SLC8A3: variants seen among roughly 807,000 people sequenced by gnomAD.
SLC8A3 encodes the protein sodium/calcium exchanger 3.
In SLC8A3, 37 loss-of-function variants were observed where a neutral mutation model predicts 65.4. The observed-to-expected ratio is 0.57, with a 90% CI of 0.44 to 0.74. SLC8A3 has a LOEUF of 0.74. SLC8A3 is among the 30% of genes least tolerant of loss of function. SLC8A3 has a pLI of 0.00. For synonymous variants in SLC8A3, 461 were observed against 444.5 expected, an observed-to-expected ratio of 1.04 and a Z score of -0.47; for missense variants, 1,112 against 1,172.1, an observed-to-expected ratio of 0.95 and a Z score of 0.75.
chr14:70,073,495 C>T (rs1202786233), intron 2 of SLC8A3, among the ~76,000 whole-genome samples: 1 of 152,088 alleles, frequency 6.6e-6, no homozygotes, highest in Non-Finnish European at 1.5e-5. Flanking sequence ...TATATATATG[C>T]ATGCCAGTAG....
intron 2 of SLC8A3, among the ~76,000 whole-genome samples, chr14:70,075,417 A>C (rs1048709534): frequency 1.8e-4 from 27 of 152,170 alleles, no homozygotes; most frequent in African/African-American, 6.0e-4. Flanking sequence ...ATAGGGAGGA[A>C]ATGGGAGGAG....
At chr14:70,164,104 C>T (rs927685886) in intron 2 of SLC8A3, among the ~76,000 whole-genome samples, 1 of 152,090 alleles carries the variant, frequency 6.6e-6, no homozygotes, top group East Asian at 1.9e-4. Flanking sequence ...TACCGTGTAC[C>T]AGGTACACCG....
chr14:70,101,852 A>G (rs946657471), intron 2 of SLC8A3, among the ~76,000 whole-genome samples: 1 of 152,192 alleles, frequency 6.6e-6, no homozygotes, highest in African/African-American at 2.4e-5. Flanking sequence ...GTGGAGCAGG[A>G]AGATGGAGCC....
At position 70,174,038 on chromosome 14, in the gene SLC8A3, G is replaced by A. The variant is rs146842601; in HGVS notation, c.-62-5554C>T. On this transcript the variant is annotated intron_variant, in intron 1 of 6. Transcript: ENST00000356921. ...ACACTTGTTTTAGAGATGGCAAATT[G>A]GAACTCATAGAGGTTAGGGAATTTG... 4.2e-3 allele frequency among the ~76,000 whole-genome samples: 633 copies of A among 152,314 alleles called. 4 individuals carry two copies. The highest frequency in any genetic ancestry group is 0.015 in the African/African-American group (609 of 41,568).
intron 2 of SLC8A3, among the ~76,000 whole-genome samples, chr14:70,078,485 T>C (rs1890738360): frequency 6.6e-6 from 1 of 152,218 alleles, no homozygotes; most frequent in Non-Finnish European, 1.5e-5. Flanking sequence ...TCCCCCATAT[T>C]TGCTGACTTG....
intron 2 of SLC8A3, among the ~76,000 whole-genome samples, chr14:70,109,731 C>T (rs1187856784): frequency 6.6e-6 from 1 of 152,096 alleles, no homozygotes; most frequent in Non-Finnish European, 1.5e-5. Context: ...GCTGAGATTA[C>T]AGGTTTCAGC....
chr14:70,052,747 G>A (rs1049578110), intron 3 of SLC8A3, among the ~76,000 whole-genome samples: 1 of 152,164 alleles, frequency 6.6e-6, no homozygotes, highest in Non-Finnish European at 1.5e-5. Context: ...TTGGCAGCTT[G>A]TTTCTTTCAG....
intron 2 of SLC8A3, among the ~76,000 whole-genome samples, chr14:70,105,729 T>G (rs1892825924): frequency 6.6e-6 from 1 of 152,180 alleles, no homozygotes; most frequent in Admixed American, 6.5e-5. Flanking sequence ...ACTTCTTGAC[T>G]TACTTTGTGA....
intron 2 of SLC8A3, among the ~76,000 whole-genome samples, chr14:70,115,399 C>T (rs6573928): frequency 0.78 from 118,255 of 152,220 alleles, 47,536 homozygotes; most frequent in Non-Finnish European, 0.88. Context: ...TTGTGCAAAA[C>T]AGTGTAATGG....
At chr14:70,057,416 C>G (rs1332955206) in intron 3 of SLC8A3, among the ~76,000 whole-genome samples, 1 of 152,092 alleles carries the variant, frequency 6.6e-6, no homozygotes, top group East Asian at 1.9e-4. Flanking sequence ...GATCAGAGAT[C>G]CCAGCACATA....
chr14:70,076,068 T>G (rs1297096232), intron 2 of SLC8A3, among the ~76,000 whole-genome samples: 10 of 152,178 alleles, frequency 6.6e-5, no homozygotes, highest in Non-Finnish European at 1.3e-4. Flanking sequence ...CTTCTACTAC[T>G]TTTCCACCAC....
intron 2 of SLC8A3, among the ~76,000 whole-genome samples, chr14:70,103,496 G>A (rs999896225): frequency 2.0e-5 from 3 of 151,902 alleles, no homozygotes; most frequent in African/African-American, 2.4e-5. Context: ...TAATACATAC[G>A]GAAACAATAG....
intron 2 of SLC8A3, among the ~76,000 whole-genome samples, chr14:70,152,235 A>G (rs1019687917): frequency 6.6e-6 from 1 of 152,148 alleles, no homozygotes; most frequent in Non-Finnish European, 1.5e-5. Context: ...GGAGCAAAGA[A>G]AGTCATGCAG....
At chr14:70,118,778 T>C (rs1006277838) in intron 2 of SLC8A3, among the ~76,000 whole-genome samples, 1 of 152,154 alleles carries the variant, frequency 6.6e-6, no homozygotes, top group African/African-American at 2.4e-5. Flanking sequence ...GTTTGGGATG[T>C]TCTGTGTGGA....
At chr14:70,110,074 G>A (rs189141925) in intron 2 of SLC8A3, among the ~76,000 whole-genome samples, 2 of 151,712 alleles carry the variant, frequency 1.3e-5, no homozygotes, top group East Asian at 3.9e-4. Context: ...TGGGTATGTA[G>A]TAGTTGTATA....
At chr14:70,159,770 A>G (rs1333499824) in intron 2 of SLC8A3, among the ~76,000 whole-genome samples, 1 of 150,228 alleles carries the variant, frequency 6.7e-6, no homozygotes, top group Non-Finnish European at 1.5e-5. Context: ...TGAAGCTCCA[A>G]TTAGCACCTT....
chr14:70,099,609 C>G (rs1892429051), intron 2 of SLC8A3, among the ~76,000 whole-genome samples: 1 of 152,190 alleles, frequency 6.6e-6, no homozygotes, highest in African/African-American at 2.4e-5. Flanking sequence ...GTAGTTAGTA[C>G]TACCATCAGG....
intron 1 of SLC8A3, among the ~76,000 whole-genome samples, chr14:70,182,587 C>G (rs1882848229): frequency 6.6e-6 from 1 of 151,826 alleles, no homozygotes; most frequent in South Asian, 2.1e-4. Context: ...CAGCGGGCAG[C>G]TCTTTGGAAT....
intron 1 of SLC8A3, among the ~76,000 whole-genome samples, chr14:70,181,062 A>G (rs1392005621): frequency 1.3e-5 from 2 of 152,260 alleles, no homozygotes; most frequent in African/African-American, 4.8e-5. Context: ...GACTCACAGA[A>G]TACAGAATTG....
Sources: allele counts gnomAD v4.1 joint callset (sites outside exome capture counted in the v4.1 genomes callset), GRCh38; gene constraint gnomAD v4.1.1; transcripts MANE v1.5; gene names NCBI Gene and HGNC (gene_info 2026-07-23, HGNC 2026-07-21).